Variants in STAG1 observed in about 807,000 individuals in gnomAD.
STAG1 encodes the protein cohesin subunit SA-1.
A neutral mutation model predicts 170.9 loss-of-function variants in STAG1; 26 were observed. The observed-to-expected ratio is 0.15, with a 90% CI of 0.11 to 0.21. STAG1 has a LOEUF of 0.21. Ranked by LOEUF, STAG1 falls within the 10% of genes least tolerant of loss-of-function variation. The probability of loss-of-function intolerance (pLI) is 1.00; values close to 1 mark genes in which losing one functional copy is unlikely to be tolerated. For missense variants in STAG1, 964 were observed against 1,509.5 expected (o/e 0.64, Z 5.99); for synonymous variants, 514 against 497.7 (o/e 1.03, Z -0.44).
intron 5 of STAG1, among the ~76,000 whole-genome samples, chr3:136,563,715 G>T (rs1242760901): frequency 1.3e-5 from 2 of 149,556 alleles, no homozygotes; most frequent in Non-Finnish European, 3.0e-5. Flanking sequence ...TTTGTATTTT[G>T]CCCTAAAAAC....
At chr3:136,725,635 CAGA>C (rs1372361699) in intron 1 of STAG1, among the ~76,000 whole-genome samples, 1 of 152,110 alleles carries the variant, frequency 6.6e-6, no homozygotes, top group East Asian at 1.9e-4. Context: ...GAGACACATG[CAGA>C]AGGACAGCCT....
At chr3:136,580,816 A>C (rs1937576439) in intron 4 of STAG1, among the ~76,000 whole-genome samples, 1 of 151,126 alleles carries the variant, frequency 6.6e-6, no homozygotes, top group Admixed American at 6.6e-5. Context: ...TACAGGCGTG[A>C]GCCACCGCAC....
chr3:136,603,444 A>G (rs912648585), intron 4 of STAG1, among the ~76,000 whole-genome samples: 6 of 152,328 alleles, frequency 3.9e-5, no homozygotes, highest in African/African-American at 1.4e-4. Flanking sequence ...AGAGACGAAC[A>G]TAAATAATAA....
chr3:136,359,313 A>T lies in STAG1; in HGVS notation c.2788-17T>A. 6.5e-7 allele frequency: 1 copy of T among 1,542,448 alleles called. No homozygotes were observed. Among genetic ancestry groups the T allele is most frequent in the South Asian group, 1.2e-5 (1 of 80,818 alleles). On this transcript the variant is annotated splice_polypyrimidine_tract_variant and intron_variant, in intron 26 of 33. Transcript: ENST00000383202. ...ATTAAATAACTGATAGAAAGAAAAA[A>T]AGAAGAAAAAACCTATAGCTCAGAA...
intron 1 of STAG1, among the ~76,000 whole-genome samples, chr3:136,672,257 A>T (rs1381806453): frequency 6.6e-6 from 1 of 152,258 alleles, no homozygotes; most frequent in Non-Finnish European, 1.5e-5. Flanking sequence ...CTTGTTAAAC[A>T]CATCAGTTAA....
intron 1 of STAG1, among the ~76,000 whole-genome samples, chr3:136,696,892 G>C (rs774202451): frequency 6.6e-6 from 1 of 152,136 alleles, no homozygotes; most frequent in Non-Finnish European, 1.5e-5. Flanking sequence ...TGATCAAAAA[G>C]GGTATGAGGG....
At chr3:136,691,734 G>A (rs1416057120) in intron 1 of STAG1, among the ~76,000 whole-genome samples, 2 of 152,124 alleles carry the variant, frequency 1.3e-5, no homozygotes, top group Non-Finnish European at 2.9e-5. Context: ...CTTTTCTTTA[G>A]AAATCTTATG....
At chr3:136,430,391 A>G (rs1398185476) in intron 16 of STAG1, among the ~76,000 whole-genome samples, 3 of 152,202 alleles carry the variant, frequency 2.0e-5, no homozygotes, top group Non-Finnish European at 4.4e-5. Context: ...TCAGGTTGAT[A>G]TTGAATTAAT....
In STAG1 at chr3:136,604,382, T is replaced by A; in HGVS notation, c.224A>T (p.His75Leu). ...CTCCCCTTCCCCATTCTGTTGAGGG[T>A]GTCCATTAGCTCTTCCACGGCCTGC... ...RGAGRGRANG[H>L]PQQNGEGEPV... Residue 75 changes from histidine to leucine, a missense_variant, in exon 4 of 34, where the codon CAC becomes CTC. Physicochemically the swap from His to Leu is moderately conservative, Grantham distance 99. Around this residue, in one of 11 missense-constraint regions of STAG1, gnomAD observed 108 missense variants for 120.2 expected, o/e 0.90. Transcript: ENST00000383202. The A allele has an allele frequency of 1.9e-6, 3 of 1,613,892 alleles. No homozygotes were observed. The highest frequency in any genetic ancestry group is 2.7e-5 in the African/African-American group (2 of 75,008).
intron 4 of STAG1, among the ~76,000 whole-genome samples, chr3:136,571,112 T>C (rs1937253269): frequency 6.6e-6 from 1 of 152,170 alleles, no homozygotes; most frequent in South Asian, 2.1e-4. Context: ...GGCATAAAAC[T>C]GAAGAAGTCA....
intron 9 of STAG1, among the ~76,000 whole-genome samples, chr3:136,485,374 T>C (rs2089986641): frequency 6.6e-6 from 1 of 152,012 alleles, no homozygotes; most frequent in Non-Finnish European, 1.5e-5. Flanking sequence ...GGAGAATCGT[T>C]TGAACCCAGG....
chr3:136,536,194 G>T (rs1935612396), intron 6 of STAG1, among the ~76,000 whole-genome samples: 1 of 152,072 alleles, frequency 6.6e-6, no homozygotes, highest in Non-Finnish European at 1.5e-5. Context: ...TAATGTAATG[G>T]AGAGGTCTGA....
chr3:136,352,382 A>G (rs1028797758), intron 28 of STAG1, among the ~76,000 whole-genome samples: 15 of 151,714 alleles, frequency 9.9e-5, no homozygotes, highest in Admixed American at 3.3e-4. Flanking sequence ...CTGGTCTTGA[A>G]CTCGTGAGCT....
intron 2 of STAG1, among the ~76,000 whole-genome samples, chr3:136,628,435 T>C (rs2107836140): frequency 6.6e-6 from 1 of 152,252 alleles, no homozygotes; most frequent in African/African-American, 2.4e-5. Context: ...GTTTATCTCA[T>C]GTCACTCTCC....
intron 8 of STAG1, 85 bp from the exon 9 acceptor site, chr3:136,500,381 T>C: frequency 1.1e-6 from 1 of 930,392 alleles, no homozygotes; most frequent in African/African-American, 1.7e-5. Context: ...TTCCTGGTTA[T>C]TTTCATTCTG....
chr3:136,639,064 T>G (rs1236682541), intron 1 of STAG1, among the ~76,000 whole-genome samples: 1 of 150,888 alleles, frequency 6.6e-6, no homozygotes, highest in Non-Finnish European at 1.5e-5. Flanking sequence ...TATGAGAGAA[T>G]GCTCACACAC....
intron 1 of STAG1, among the ~76,000 whole-genome samples, chr3:136,731,615 C>T (rs1287253291): frequency 6.6e-6 from 1 of 152,220 alleles, no homozygotes; most frequent in Non-Finnish European, 1.5e-5. Flanking sequence ...TACCTAAGTT[C>T]TGAGTCTTCA....
chr3:136,547,573 A>T (rs1304210884), intron 5 of STAG1, among the ~76,000 whole-genome samples: 2 of 152,134 alleles, frequency 1.3e-5, no homozygotes, highest in African/African-American at 2.4e-5. Context: ...GTAATCAAGC[A>T]GTTATTTGAT....
At chr3:136,359,660 G>C (rs892084893) in intron 26 of STAG1, among the ~76,000 whole-genome samples, 1 of 152,212 alleles carries the variant, frequency 6.6e-6, no homozygotes, top group Non-Finnish European at 1.5e-5. Flanking sequence ...CTCCTGAGTA[G>C]CTGAGATAAT....
Sources: gnomAD v4.1 joint callset for allele counts (sites outside exome capture counted in the v4.1 genomes callset) on GRCh38, gnomAD v4.1.1 for gene constraint, gnomAD v4.1.1 regional missense constraint, MANE v1.5 for transcripts, NCBI Gene and HGNC (gene_info 2026-07-23, HGNC 2026-07-21) for gene names.